The following CELSR2 variants were observed in gnomAD, a reference collection of about 807,000 sequenced individuals.
CELSR2 encodes cadherin EGF LAG seven-pass G-type receptor 2.
In CELSR2, 81 loss-of-function variants were observed where a neutral mutation model predicts 251.6. The ratio of observed to expected loss-of-function variants is 0.32; its 90% CI spans 0.27 to 0.39. The LOEUF (loss-of-function observed/expected upper bound fraction) is 0.39. Ranked by LOEUF, CELSR2 falls within the 10% of genes least tolerant of loss-of-function variation. The probability of loss-of-function intolerance (pLI) is 1.00; values close to 1 mark genes in which losing one functional copy is unlikely to be tolerated. For missense variants in CELSR2, 3,365 were observed against 3,947.7 expected (o/e 0.85, Z 3.96); for synonymous variants, 1,721 against 1,670.5 (o/e 1.03, Z -0.74).
chr1:109,271,332 G>A lies in CELSR2; in HGVS notation c.7676+36G>A, dbSNP rs752101312. ...GGTTGGGGTGCCTGGGCCATGGGCA[G>A]GCACCAGCATGGGAGGTCTCATGGC... is the stretch of plus-strand genomic sequence containing the variant. On this transcript the variant is annotated intron_variant, in intron 26 of 33. Coordinates refer to ENST00000271332, the MANE Select transcript of CELSR2 (RefSeq NM_001408.3). 4.2e-5 allele frequency: 67 copies of A among 1,613,698 alleles called. No homozygotes were observed. In the South Asian group the frequency reaches 5.2e-4, roughly 12 times the overall value.
rs780559068 is a variant in CELSR2 at position 109,264,176 on chromosome 1, C to T, written c.5100C>T (p.His1700=). The T allele has an allele frequency of 6.2e-7, 1 of 1,612,790 alleles. No individual in the cohort carries two copies. Among genetic ancestry groups the T allele is most frequent in the South Asian group, 1.1e-5 (1 of 91,078 alleles). Reference sequence around the variant, plus strand: ...GCCGGGCCAATGACGGTGACTGGCACCATGCACAGCTGGCACTGGGAGCCA... The same window carrying T: ...GCCGGGCCAATGACGGTGACTGGCATCATGCACAGCTGGCACTGGGAGCCA... ...EPGRANDGDW[H]HAQLALGASG... is the part of the protein sequence containing the mutation. The change falls in exon 10 of 34, where the codon CAC becomes CAT. Residue 1700 remains histidine, a synonymous_variant. Transcript: ENST00000271332.
At position 109,258,863 on chromosome 1, in the gene CELSR2, C is replaced by T; in HGVS notation, c.3742C>T (p.Arg1248Cys). The T allele has an allele frequency of 1.2e-6, 2 of 1,612,326 alleles. No homozygotes were observed. Among genetic ancestry groups the T allele is most frequent in the East Asian group, 2.2e-5 (1 of 44,844 alleles). ...ENYMRCVSVL[R>C]FDSSAPFIAS... ...CTACATGCGCTGCGTGTCGGTGCTGCGCTTCGACTCCTCCGCGCCCTTCAT... is the reference window on the plus strand; with the variant it reads ...CTACATGCGCTGCGTGTCGGTGCTGTGCTTCGACTCCTCCGCGCCCTTCAT... The change falls in exon 2 of 34, where the codon CGC becomes TGC. Residue 1248 changes from arginine to cysteine, a missense_variant. Transcript: ENST00000271332.
Position 109,269,203 on chromosome 1 carries a change from A to C in CELSR2, c.6725A>C (p.Gln2242Pro). Reference protein sequence around the residue: ...RRQRRHPELSQGEAVASVIIY... With the variant: ...RRQRRHPELSPGEAVASVIIY... ...CAGCGACGGCACCCGGAGCTGAGCC[A>C]GGGTGAGGCTGTGGCCAGCGTCATC... is the stretch of plus-strand genomic sequence containing the variant. Residue 2242 changes from glutamine to proline, a missense_variant, in exon 20 of 34, where the codon CAG becomes CCG. Around this residue, in one of 5 missense-constraint regions of CELSR2, gnomAD observed 2,093 missense variants for 2,382.8 expected, o/e 0.88. Transcript: ENST00000271332. The surrounding 1 kb of genome is among the most constrained non-coding windows in gnomAD (Gnocchi z 6.4). 6.2e-7 allele frequency: 1 copy of C among 1,612,786 alleles called. No homozygotes were observed. Among genetic ancestry groups the C allele is most frequent in the Non-Finnish European group, 8.5e-7 (1 of 1,179,814 alleles).
intron 33 of CELSR2, 162 bp downstream of exon 33, chr1:109,273,832 G>A: frequency 2.0e-6 from 2 of 1,007,650 alleles, no homozygotes; most frequent in Non-Finnish European, 3.0e-6. Context: ...ACAAACCATG[G>A]TGCCTTGCGG....
Position 109,261,260 on chromosome 1 carries a change from C to T in CELSR2, c.4177C>T (p.Leu1393Phe), listed in dbSNP as rs746285846. The change falls in exon 3 of 34, where the codon CTC becomes TTC. Residue 1393 changes from leucine to phenylalanine, a missense_variant. Leu to Phe is a conservative substitution (Grantham distance 22). Coordinates refer to ENST00000271332, the MANE Select transcript of CELSR2 (RefSeq NM_001408.3). The surrounding 1 kb of genome is among the most constrained non-coding windows in gnomAD (Gnocchi z 4.8). ...LRQRFHFTLALSFATKERDGL... is the reference protein window; with the variant it reads ...LRQRFHFTLAFSFATKERDGL... Reference sequence around the variant, plus strand: ...CCAGCGTTTCCACTTCACCCTGGCCCTCTCGTGAGTGGCTGGGCACTGGGG... The same window carrying T: ...CCAGCGTTTCCACTTCACCCTGGCCTTCTCGTGAGTGGCTGGGCACTGGGG... The T allele has an allele frequency of 6.2e-7, 1 of 1,612,836 alleles. No individual in the cohort carries two copies. The highest frequency in any genetic ancestry group is 8.5e-7 in the Non-Finnish European group (1 of 1,179,798).
At chr1:109,273,377 C>T (rs1363365216) in intron 32 of CELSR2, 41 bp downstream of exon 32, 13 of 1,607,150 alleles carry the variant, frequency 8.1e-6, no homozygotes, top group Non-Finnish European at 1.1e-5. Context: ...CCCTAGTCAG[C>T]AGCCTCATAC....
chr1:109,266,444 G>T, intron 15 of CELSR2: 1 of 481,516 alleles, frequency 2.1e-6, no homozygotes, highest in Non-Finnish European at 3.7e-6. Context: ...GACAGAGTCT[G>T]TCACTGTCAC....
rs367656642 is a variant in CELSR2, at chr1:109,268,895, G to T, written c.6518G>T (p.Arg2173Leu). Residue 2173 changes from arginine (R) to leucine (L), a missense_variant, in exon 19 of 34, where the codon CGC (arginine) becomes CTC (leucine). Physicochemically the swap from Arg to Leu is moderately radical, Grantham distance 102. This residue lies in a region of CELSR2 where 2,093 missense variants were observed against 2,382.8 expected (regional missense o/e 0.88). Transcript: ENST00000271332. ...VTPNIVISVV[R>L]LDKGNFAGAK... Reference sequence around the variant, plus strand: ...CCTTCCTTAGTCATCTCCGTAGTGCGCTTGGACAAAGGGAACTTTGCTGGG... The same window carrying T: ...CCTTCCTTAGTCATCTCCGTAGTGCTCTTGGACAAAGGGAACTTTGCTGGG... 2.5e-6 allele frequency: 4 copies of T among 1,611,196 alleles called. No individual in the cohort carries two copies. Among genetic ancestry groups the T allele is most frequent in the Admixed American group, 1.7e-5 (1 of 59,894 alleles).
intron 1 of CELSR2, among the ~76,000 whole-genome samples, chr1:109,255,891 A>G (rs578181378): frequency 5.3e-5 from 8 of 152,282 alleles, no homozygotes; most frequent in African/African-American, 1.7e-4. Context: ...ACCAGATGGG[A>G]AGCAACAGAG....
chr1:109,266,236 G>A (rs756293537), intron 15 of CELSR2, 30 bp downstream of exon 15: 81 of 1,612,092 alleles, frequency 5.0e-5, no homozygotes, highest in Middle Eastern at 1.6e-4. Context: ...ATGTGATGTC[G>A]AGGACATGGC....
Position 109,265,216 on chromosome 1 carries a change from T to G in CELSR2, c.5632T>G (p.Trp1878Gly). 1 of 1,610,134 alleles carries G rather than the reference T, an allele frequency of 6.2e-7. No homozygotes were observed. The highest frequency in any genetic ancestry group is 8.5e-7 in the Non-Finnish European group (1 of 1,177,550). ...TRIDQPCPRG[W>G]WGHPTCGPCN... ...GATTGACCAGCCTTGTCCCCGTGGC[T>G]GGTGGGGACATCCCACATGTGGCCC... Residue 1878 changes from tryptophan to glycine, a missense_variant, in exon 13 of 34, where the codon TGG (tryptophan) becomes GGG (glycine). Transcript: ENST00000271332.
chr1:109,249,579 G>A lies in CELSR2; in HGVS notation c.-501G>A, dbSNP rs569896091. 6.7e-4 allele frequency among the ~76,000 whole-genome samples: 101 copies of A among 149,706 alleles called. No individual in the cohort carries two copies. Among genetic ancestry groups the A allele is most frequent in the African/African-American group, 2.2e-3 (90 of 41,278 alleles). ...CCGCCGGGGAGGCGAGGGAGCGCGG[G>A]GCTGGGCCCGGGGCCGCGGCGACAG... On this transcript the variant is annotated 5_prime_UTR_variant, in exon 1 of 34. Coordinates refer to ENST00000271332, the MANE Select transcript of CELSR2 (RefSeq NM_001408.3).
In CELSR2 at chr1:109,273,682, C is replaced by A; in HGVS notation, c.8744+12C>A. ...TCGTCAGGCTCCGAGTGAGTGTGGC[C>A]GGGTGGGCGGGACGGGGTGCAGCCC... On this transcript the variant is annotated intron_variant, in intron 33 of 33. Coordinates refer to ENST00000271332, the MANE Select transcript of CELSR2 (RefSeq NM_001408.3). 4.2e-6 allele frequency: 2 copies of A among 473,254 alleles called. No individual in the cohort carries two copies. The highest frequency in any genetic ancestry group is 3.5e-5 in the Admixed American group (1 of 28,846). 29.3% of individuals were successfully genotyped at this position (473,254 alleles called of 1,614,324 possible). A position where few individuals can be genotyped will look rare whatever the true frequency, so the allele number is the denominator to read the frequency against.
chr1:109,261,372 T>A lies in CELSR2; in HGVS notation c.4181+108T>A. ...CAGGCAGTGAAAGCGTGGAGCAGGC[T>A]GCCGGCAGAGCCAGGTCTGCTCTTG... On this transcript the variant is annotated intron_variant, in intron 3 of 33. Transcript: ENST00000271332. The surrounding 1 kb of genome is among the most constrained non-coding windows in gnomAD (Gnocchi z 4.8). 1 of 1,372,284 alleles carries A rather than the reference T, an allele frequency of 7.3e-7. No individual in the cohort carries two copies. The highest frequency in any genetic ancestry group is 1.0e-6 in the Non-Finnish European group (1 of 974,214). 85.0% of individuals were successfully genotyped at this position (1,372,284 alleles called of 1,614,324 possible).
At position 109,261,438 on chromosome 1, in the gene CELSR2, G is replaced by T; in HGVS notation, c.4182-75G>T. On this transcript the variant is annotated intron_variant, in intron 3 of 33. Coordinates refer to ENST00000271332, the MANE Select transcript of CELSR2 (RefSeq NM_001408.3). This position sits in a 1 kb window ranked among gnomAD's most constrained non-coding sequence, Gnocchi z 4.8. ...CTGCCAGCAGATCTCCCTCCCCTGC[G>T]CTGGTTAGGTGGCGGGGGTGCTGGC... is the stretch of plus-strand genomic sequence containing the variant. The T allele has an allele frequency of 6.9e-7, 1 of 1,442,016 alleles. No homozygotes were observed. The highest frequency in any genetic ancestry group is 9.8e-7 in the Non-Finnish European group (1 of 1,024,508). 89.3% of individuals were successfully genotyped at this position (1,442,016 alleles called of 1,614,324 possible). A position where few individuals can be genotyped will look rare whatever the true frequency, so the allele number is the denominator to read the frequency against.
At position 109,275,641 on chromosome 1, in the gene CELSR2, G is replaced by A. The variant is rs658437; in HGVS notation, c.*1592G>A. On this transcript the variant is annotated 3_prime_UTR_variant, in exon 34 of 34. Transcript: ENST00000271332. ...TACAAAGATGCTGGATGCTAACTTGGTACTAACCATCAGATTGTACAGTTT... is the reference window on the plus strand; with the variant it reads ...TACAAAGATGCTGGATGCTAACTTGATACTAACCATCAGATTGTACAGTTT... 148,932 of 152,354 alleles carry A rather than the reference G, an allele frequency of 0.98. 72,889 individuals are homozygous for A. The highest frequency in any genetic ancestry group is 1 in the East Asian group (5,184 of 5,184). 9.4% of individuals were successfully genotyped at this position (152,354 alleles called of 1,614,324 possible). A position where few individuals can be genotyped will look rare whatever the true frequency, so the allele number is the denominator to read the frequency against.
Position 109,269,695 on chromosome 1 carries a change from G to T in CELSR2, c.6982G>T (p.Val2328Phe), listed in dbSNP as rs145368633. 8.9e-5 allele frequency: 143 copies of T among 1,614,106 alleles called. No homozygotes were observed. Among genetic ancestry groups the T allele is most frequent in the Middle Eastern group, 4.9e-4 (3 of 6,062 alleles). ...CCTGACCCTGCCTTCCTCACACAGG[G>T]TCAGTGGCACAGGTGGCTGGTCGGC... ...ICVFWNHSIL[V>F]SGTGGWSARG... The change falls in exon 22 of 34, where the codon GTC becomes TTC. Residue 2328 changes from valine to phenylalanine, a missense_variant and splice_region_variant. Around this residue, in one of 5 missense-constraint regions of CELSR2, gnomAD observed 2,093 missense variants for 2,382.8 expected, o/e 0.88. Coordinates refer to ENST00000271332, the MANE Select transcript of CELSR2 (RefSeq NM_001408.3). This position sits in a 1 kb window ranked among gnomAD's most constrained non-coding sequence, Gnocchi z 6.4.
chr1:109,262,220 G>A (rs1224828629), intron 5 of CELSR2, 67 bp from the exon 6 acceptor site: 3 of 1,580,492 alleles, frequency 1.9e-6, no homozygotes, highest in Middle Eastern at 1.7e-4. Flanking sequence ...CACCCAGTGT[G>A]TGCTGGCCAT....
In CELSR2 at chr1:109,270,986, A is replaced by G; in HGVS notation, c.7543A>G (p.Ile2515Val). Residue 2515 changes from isoleucine (I) to valine (V), a missense_variant, in exon 25 of 34, where the codon ATC becomes GTC. Coordinates refer to ENST00000271332, the MANE Select transcript of CELSR2 (RefSeq NM_001408.3). ...GAACCCTGACTTCTGCTGGCTCTCC[A>G]TCTATGACACGCTCATCTGGAGTTT... is the stretch of plus-strand genomic sequence containing the variant. ...YGNPDFCWLS[I>V]YDTLIWSFAG... 1 of 1,611,342 alleles carries G rather than the reference A, an allele frequency of 6.2e-7. No homozygotes were observed. The highest frequency in any genetic ancestry group is 8.5e-7 in the Non-Finnish European group (1 of 1,179,684).
Sources: gnomAD v4.1 joint callset for allele counts (sites outside exome capture counted in the v4.1 genomes callset) on GRCh38, gnomAD v4.1.1 for gene constraint, gnomAD v4.1.1 regional missense constraint, Gnocchi (gnomAD v3.1) non-coding constraint, MANE v1.5 for transcripts, NCBI Gene and HGNC (gene_info 2026-07-23, HGNC 2026-07-21) for gene names.